The following IL1RAPL2 variants were observed in gnomAD, a reference collection of about 807,000 sequenced individuals.
The protein encoded by IL1RAPL2 is interleukin 1 receptor accessory protein like 2, also known as X-linked interleukin-1 receptor accessory protein-like 2.
Under a neutral mutation model 44.1 loss-of-function variants are expected in IL1RAPL2, and 3 were observed. That is an observed-to-expected ratio of 0.07 (90% confidence interval 0.03 to 0.18). IL1RAPL2 has a LOEUF of 0.18. Among genes scored for constraint, IL1RAPL2 ranks in the 10% least tolerant of loss-of-function variants. The pLI is 1.00. For missense variants in IL1RAPL2, 391 were observed against 496.4 expected, an observed-to-expected ratio of 0.79 and a Z score of 2.02; for synonymous variants, 181 against 178.8, an observed-to-expected ratio of 1.01 and a Z score of -0.10.
intron 5 of IL1RAPL2, among the ~76,000 whole-genome samples, chrX:105,359,930 A>G (rs1434140046): frequency 1.8e-5 from 2 of 111,053 alleles, no homozygotes; most frequent in Non-Finnish European, 3.8e-5. Context: ...ACTGAAACTT[A>G]GAAATTGTCC....
chrX:105,077,177 G>A (rs974475243), intron 2 of IL1RAPL2, among the ~76,000 whole-genome samples: 1 of 111,763 alleles, frequency 8.9e-6, no homozygotes, highest in African/African-American at 3.3e-5. Context: ...TGCAGTAGCT[G>A]GTACCGGTTG....
chrX:104,765,017 TTA>T (rs1392450420), intron 2 of IL1RAPL2, among the ~76,000 whole-genome samples: 1 of 111,998 alleles, frequency 8.9e-6, no homozygotes, highest in African/African-American at 3.2e-5. Flanking sequence ...TGTAGTTTTT[TTA>T]TATGTTTTTG....
intron 5 of IL1RAPL2, among the ~76,000 whole-genome samples, chrX:105,390,383 G>A (rs1303620502): frequency 9.0e-6 from 1 of 111,502 alleles, no homozygotes; most frequent in Admixed American, 9.6e-5. Flanking sequence ...AGTAAGAAAT[G>A]TACCTACACA....
intron 2 of IL1RAPL2, among the ~76,000 whole-genome samples, chrX:105,000,705 C>G (rs2030835751): frequency 9.0e-6 from 1 of 111,657 alleles, no homozygotes; most frequent in South Asian, 3.7e-4. Context: ...ATCTCTGGTA[C>G]TTTTTAAACA....
chrX:105,747,575 CAT>C (rs1181132236), intron 8 of IL1RAPL2, among the ~76,000 whole-genome samples: 2,373 of 101,409 alleles, frequency 0.023, 76 homozygotes, highest in African/African-American at 0.081. Context: ...TATATACACA[CAT>C]ATATATATAT....
At chrX:104,886,542 A>T (rs1304093029) in intron 2 of IL1RAPL2, among the ~76,000 whole-genome samples, 1 of 112,362 alleles carries the variant, frequency 8.9e-6, no homozygotes, top group African/African-American at 3.2e-5. Context: ...AGGAGTACAA[A>T]AACTAAATGG....
chrX:105,691,722 T>C (rs1646327071), intron 6 of IL1RAPL2, among the ~76,000 whole-genome samples: 1 of 111,797 alleles, frequency 8.9e-6, no homozygotes, highest in African/African-American at 3.2e-5. Context: ...ACTCATATAT[T>C]ATTAAAGAAG....
intron 2 of IL1RAPL2, among the ~76,000 whole-genome samples, chrX:105,068,639 T>A (rs2032167750): frequency 1.8e-5 from 2 of 111,855 alleles, no homozygotes; most frequent in Admixed American, 1.9e-4. Flanking sequence ...TGACTTCTCT[T>A]ACCCAGCAGA....
intron 1 of IL1RAPL2, among the ~76,000 whole-genome samples, chrX:104,607,021 G>C (rs1042145115): frequency 2.7e-5 from 3 of 111,713 alleles, no homozygotes; most frequent in African/African-American, 9.8e-5. Context: ...AAACAGCATG[G>C]TGCTGGTACC....
At chrX:105,218,880 G>A (rs1349804544) in intron 3 of IL1RAPL2, 1 of 842,538 alleles carries the variant, frequency 1.2e-6, no homozygotes, top group Admixed American at 2.5e-5. Context: ...TACCACCCCG[G>A]CCCCCGCCAC....
At chrX:104,723,555 T>G (rs771176080) in intron 2 of IL1RAPL2, among the ~76,000 whole-genome samples, 103 of 110,421 alleles carry the variant, frequency 9.3e-4, no homozygotes, top group African/African-American at 3.3e-3. Context: ...AAGTGAGGTT[T>G]TGGAATTACA....
intron 6 of IL1RAPL2, among the ~76,000 whole-genome samples, chrX:105,601,504 C>T (rs1356679014): frequency 2.7e-5 from 3 of 111,097 alleles, no homozygotes; most frequent in Non-Finnish European, 5.7e-5. Flanking sequence ...ATAGACTCCC[C>T]TCCCTATTAT....
intron 2 of IL1RAPL2, among the ~76,000 whole-genome samples, chrX:104,900,282 T>C (rs1172689441): frequency 4.5e-5 from 5 of 111,859 alleles, no homozygotes; most frequent in South Asian, 3.7e-4. Flanking sequence ...TTTAAACATA[T>C]TGTTTTGTTT....
intron 1 of IL1RAPL2, among the ~76,000 whole-genome samples, chrX:104,620,405 C>T (rs1156248323): frequency 3.7e-5 from 4 of 107,844 alleles, no homozygotes; most frequent in East Asian, 5.9e-4. Context: ...TTTGGGAGGC[C>T]GAGGCGGGCG....
At chrX:105,083,032 T>C (rs779280514) in intron 2 of IL1RAPL2, among the ~76,000 whole-genome samples, 2 of 111,213 alleles carry the variant, frequency 1.8e-5, no homozygotes, top group Non-Finnish European at 3.8e-5. Context: ...CCTAACCCAA[T>C]GCAAGGAAGC....
intron 2 of IL1RAPL2, among the ~76,000 whole-genome samples, chrX:104,713,904 G>C (rs1485684738): frequency 9.0e-6 from 1 of 111,128 alleles, no homozygotes; most frequent in African/African-American, 3.3e-5. Context: ...AGGGGGCAGA[G>C]AGAAGCCGAG....
chrX:104,681,100 A>G (rs138788982), intron 2 of IL1RAPL2, among the ~76,000 whole-genome samples: 1,477 of 111,650 alleles, frequency 0.013, 6 homozygotes, highest in Non-Finnish European at 0.021. Context: ...CAATTTTACT[A>G]ACTTCTGTCT....
chrX:105,465,680 AG>A, intron 5 of IL1RAPL2, among the ~76,000 whole-genome samples: 1 of 111,889 alleles, frequency 8.9e-6, no homozygotes, highest in South Asian at 3.7e-4. Context: ...CTGAATACTC[AG>A]GAAGCAAATT....
chrX:105,161,472 A>T (rs965130964), intron 2 of IL1RAPL2, among the ~76,000 whole-genome samples: 3 of 109,595 alleles, frequency 2.7e-5, no homozygotes, highest in African/African-American at 1.0e-4. Context: ...TATTTATTTG[A>T]CAGCAAGCAG....
Sources: allele counts gnomAD v4.1 joint callset (sites outside exome capture counted in the v4.1 genomes callset), GRCh38; gene constraint gnomAD v4.1.1; transcripts MANE v1.5; gene names NCBI Gene and HGNC (gene_info 2026-07-23, HGNC 2026-07-21).